Variants in MBP observed in about 807,000 individuals in gnomAD.
MBP encodes the protein Golli-MBP.
MBP carries 16 observed loss-of-function variants against 35.8 expected under a neutral mutation model. The ratio of observed to expected loss-of-function variants is 0.45; its 90% CI spans 0.30 to 0.68. The LOEUF (loss-of-function observed/expected upper bound fraction) is 0.68. MBP is among the 30% of genes least tolerant of loss of function. The pLI is 0.08. For missense variants in MBP, 380 were observed against 404.7 expected, an observed-to-expected ratio of 0.94 and a Z score of 0.52; for synonymous variants, 143 against 159.6, an observed-to-expected ratio of 0.90 and a Z score of 0.78.
At chr18:77,045,045 G>C (rs1458339962) in intron 3 of MBP, among the ~76,000 whole-genome samples, 1 of 151,982 alleles carries the variant, frequency 6.6e-6, no homozygotes, top group Non-Finnish European at 1.5e-5. Context: ...GGATAGATAC[G>C]ATCTTGATGT....
intron 7 of MBP, chr18:76,985,181 T>C (rs753169440): frequency 6.8e-7 from 1 of 1,473,620 alleles, no homozygotes; most frequent in South Asian, 1.1e-5. Flanking sequence ...AGGATCTAAG[T>C]CGTTTAGGGA....
intron 4 of MBP, among the ~76,000 whole-genome samples, chr18:76,998,536 G>C (rs1282471566): frequency 1.3e-5 from 1 of 79,856 alleles, no homozygotes; most frequent in Non-Finnish European, 3.6e-5. Flanking sequence ...ATGCCCTCGG[G>C]TGACTCGCAG....
chr18:77,103,785 T>C (rs907424234), intron 2 of MBP, among the ~76,000 whole-genome samples: 1 of 152,144 alleles, frequency 6.6e-6, no homozygotes, highest in Non-Finnish European at 1.5e-5. Flanking sequence ...GTCAACATCA[T>C]TGGATCATCT....
At chr18:77,034,382 C>T (rs539679551) in intron 3 of MBP, among the ~76,000 whole-genome samples, 11 of 152,210 alleles carry the variant, frequency 7.2e-5, no homozygotes, top group East Asian at 1.9e-4. Flanking sequence ...AGAGCCTGGC[C>T]GCTGACTCCT....
chr18:77,124,331 T>C (rs1976976671), intron 1 of MBP, among the ~76,000 whole-genome samples: 1 of 152,248 alleles, frequency 6.6e-6, no homozygotes, highest in African/African-American at 2.4e-5. Flanking sequence ...TTTTCTTTCT[T>C]GACCTTTGGA....
intron 3 of MBP, among the ~76,000 whole-genome samples, chr18:77,023,485 C>T (rs1223522624): frequency 1.3e-5 from 2 of 152,118 alleles, no homozygotes; most frequent in South Asian, 2.1e-4. Flanking sequence ...ACTGCGACAT[C>T]GTGGCTAATT....
chr18:77,005,640 G>C (rs924489587), intron 4 of MBP: 19 of 152,290 alleles, frequency 1.2e-4, no homozygotes, highest in African/African-American at 3.9e-4. Flanking sequence ...AGCAGGGATT[G>C]ATATGAGGTT....
intron 3 of MBP, among the ~76,000 whole-genome samples, chr18:77,037,909 G>A (rs1972842332): frequency 6.6e-6 from 1 of 152,234 alleles, no homozygotes; most frequent in Non-Finnish European, 1.5e-5. Context: ...TAATCATTTT[G>A]AAATAAATCA....
At chr18:77,010,892 C>G (rs752286168) in intron 4 of MBP, among the ~76,000 whole-genome samples, 1 of 152,088 alleles carries the variant, frequency 6.6e-6, no homozygotes, top group African/African-American at 2.4e-5. Context: ...AAAATGAAGA[C>G]AGAGAGAGAA....
rs143800468 is a variant in MBP, at chr18:77,016,819, C to T, written c.576+13G>A. On this transcript the variant is annotated intron_variant, in intron 4 of 8. Coordinates refer to ENST00000355994, the MANE Select transcript of MBP (RefSeq NM_001025101.2). The stretch of plus-strand genomic sequence containing the variant: ...CCATTTAAACTAAAACTCCTCTACT[C>T]CTCAGAGCTCACCTTGCCAGAGCCC... 338 of 1,613,664 alleles carry T rather than the reference C, an allele frequency of 2.1e-4. No homozygotes were observed. The Middle Eastern group carries it at 3.6e-3, about 17-fold the overall frequency.
At chr18:77,080,071 C>T (rs989684569) in intron 2 of MBP, among the ~76,000 whole-genome samples, 2 of 152,102 alleles carry the variant, frequency 1.3e-5, no homozygotes, top group Non-Finnish European at 2.9e-5. Context: ...GAAGTATCAG[C>T]CCAGGAATAA....
At chr18:77,105,973 A>T (rs992534256) in intron 1 of MBP, among the ~76,000 whole-genome samples, 1 of 152,234 alleles carries the variant, frequency 6.6e-6, no homozygotes, top group African/African-American at 2.4e-5. Flanking sequence ...CATTCCAAGC[A>T]AATTGCTCCT....
At chr18:77,055,872 C>T (rs1973698795) in intron 3 of MBP, among the ~76,000 whole-genome samples, 1 of 152,196 alleles carries the variant, frequency 6.6e-6, no homozygotes, top group Admixed American at 6.5e-5. Context: ...TTCCCAGAAA[C>T]TCAGTGGTTC....
chr18:77,106,897 G>T (rs993940834), intron 1 of MBP, among the ~76,000 whole-genome samples: 13 of 152,318 alleles, frequency 8.5e-5, no homozygotes, highest in Non-Finnish European at 1.6e-4. Flanking sequence ...TTCTCATTGG[G>T]AAATGAGGGT....
chr18:77,086,155 T>C (rs1441255585), intron 2 of MBP, among the ~76,000 whole-genome samples: 1 of 152,242 alleles, frequency 6.6e-6, no homozygotes, highest in African/African-American at 2.4e-5. Flanking sequence ...TGAGTTCTGC[T>C]ATCCCTGTGA....
intron 3 of MBP, among the ~76,000 whole-genome samples, chr18:77,046,056 T>G (rs1043303389): frequency 1.3e-5 from 2 of 152,364 alleles, no homozygotes; most frequent in South Asian, 4.1e-4. Flanking sequence ...AACTAGAAAC[T>G]GAATATATAA....
chr18:77,029,677 G>C (rs1972467057), intron 3 of MBP, among the ~76,000 whole-genome samples: 1 of 151,958 alleles, frequency 6.6e-6, no homozygotes, highest in Admixed American at 6.6e-5. Flanking sequence ...TTTTACCTTG[G>C]CTTTAAAAGT....
intron 4 of MBP, among the ~76,000 whole-genome samples, chr18:76,990,392 T>C (rs1325800274): frequency 6.6e-6 from 1 of 151,326 alleles, no homozygotes; most frequent in Non-Finnish European, 1.5e-5. Context: ...AGAAGAGACA[T>C]AAAGGGTAGG....
At chr18:77,034,505 C>T (rs1972675091) in intron 3 of MBP, among the ~76,000 whole-genome samples, 1 of 152,136 alleles carries the variant, frequency 6.6e-6, no homozygotes, top group Admixed American at 6.5e-5. Context: ...AAACTTTGAG[C>T]TCATAAACCT....
Sources: gnomAD v4.1 joint callset for allele counts (sites outside exome capture counted in the v4.1 genomes callset) on GRCh38, gnomAD v4.1.1 for gene constraint, MANE v1.5 for transcripts, NCBI Gene and HGNC (gene_info 2026-07-23, HGNC 2026-07-21) for gene names.